FAM161B: variants seen among roughly 807,000 people sequenced by gnomAD.
FAM161B encodes FAM161 centrosomal protein B, also known as protein FAM161B.
A neutral mutation model predicts 61.5 loss-of-function variants in FAM161B; 46 were observed. That is an observed-to-expected ratio of 0.75 (90% CI 0.59 to 0.96). FAM161B has a LOEUF of 0.96. FAM161B is among the 40% of genes least tolerant of loss of function. The probability of loss-of-function intolerance (pLI) is 0.00; values close to 1 mark genes in which losing one functional copy is unlikely to be tolerated. For missense variants in FAM161B, 774 were observed against 800.7 expected (o/e 0.97, Z 0.40); for synonymous variants, 284 against 302.7 (o/e 0.94, Z 0.64).
chr14:73,938,629 G>A (rs1036893850), intron 5 of FAM161B, among the ~76,000 whole-genome samples: 6 of 151,668 alleles, frequency 4.0e-5, no homozygotes, highest in Non-Finnish European at 7.4e-5. Flanking sequence ...AAAATTAGCC[G>A]GGTGCGGTGG....
intron 4 of FAM161B, 82 bp downstream of exon 4, chr14:73,942,287 G>A: frequency 1.4e-6 from 2 of 1,386,624 alleles, no homozygotes; most frequent in East Asian, 2.3e-5. Context: ...ACCTTGTTGA[G>A]AAGTGCTTTC....
chr14:73,936,198 G>T, intron 7 of FAM161B, 110 bp from the exon 8 acceptor site: 3 of 1,241,858 alleles, frequency 2.4e-6, no homozygotes, highest in Non-Finnish European at 2.2e-6. Flanking sequence ...CACCCTTATT[G>T]TGGGGCATAG....
intron 1 of FAM161B, 108 bp from the exon 2 acceptor site, chr14:73,946,713 G>A: frequency 8.4e-7 from 1 of 1,190,646 alleles, no homozygotes; most frequent in Non-Finnish European, 1.2e-6. Context: ...GGACTGGGGA[G>A]AATTTGGGGT....
At chr14:73,948,227 C>T (rs963818293) in intron 1 of FAM161B, among the ~76,000 whole-genome samples, 2 of 152,094 alleles carry the variant, frequency 1.3e-5, no homozygotes, top group Non-Finnish European at 2.9e-5. Context: ...CCCCGCCCAA[C>T]GGCAATACTT....
downstream of FAM161B, among the ~76,000 whole-genome samples, chr14:73,930,567 T>C (rs1343061959): frequency 1.3e-5 from 2 of 152,186 alleles, no homozygotes; most frequent in African/African-American, 4.8e-5. Context: ...TAATAAGTTG[T>C]TTTTGTTCTG....
At chr14:73,936,110 G>A (rs2055969569) in intron 7 of FAM161B, 22 bp from the exon 8 acceptor site, 3 of 1,580,844 alleles carry the variant, frequency 1.9e-6, no homozygotes, top group Non-Finnish European at 2.6e-6. Flanking sequence ...AAATTAATCT[G>A]TTGTAGCTGT....
rs148255366 is a variant in FAM161B, at chr14:73,938,720, C to T, written c.1401-608G>A. Among the ~76,000 whole-genome samples the T allele has an allele frequency of 2.9e-3, 436 of 151,766 alleles. 1 individual carries two copies. Among genetic ancestry groups the T allele is most frequent in the African/African-American group, 1.0e-2 (412 of 41,406 alleles). ...CTGGGAGGCGGAGCTTGCAGTGAGC[C>T]GAGATCGTGCCACTGCACTCCAGCC... On this transcript the variant is annotated intron_variant, in intron 5 of 8. Transcript: ENST00000286544.
rs2336547 is a variant in FAM161B at position 73,932,588 on chromosome 14, G to A, written c.*1668C>T. 335,746 of 400,900 alleles carry A rather than the reference G, an allele frequency of 0.84. 142,112 individuals carry two copies. Among genetic ancestry groups the A allele is most frequent in the East Asian group, 0.93 (13,186 of 14,112 alleles). 24.8% of individuals were successfully genotyped at this position (400,900 alleles called of 1,614,324 possible). On this transcript the variant is annotated 3_prime_UTR_variant, in exon 9 of 9. Coordinates refer to ENST00000286544, the MANE Select transcript of FAM161B (RefSeq NM_152445.3). ...GTTAGAGCAGGCACTCTTGCTATCA[G>A]TCATCCTGTCTCCACAGCTACTGAG...
At chr14:73,925,689 A>G in the FAM161B span, among the ~76,000 whole-genome samples, 1 of 152,060 alleles carries the variant, frequency 6.6e-6, no homozygotes, top group East Asian at 1.9e-4. Flanking sequence ...CAGCCTCCCA[A>G]AGTGCTGGGA....
At chr14:73,935,408 A>G (rs7154897) in intron 8 of FAM161B, among the ~76,000 whole-genome samples, 73,575 of 151,520 alleles carry the variant, frequency 0.49, 18,144 homozygotes, top group South Asian at 0.61. Context: ...GGAGCCTGTA[A>G]TCCCAGCTAC....
In FAM161B at chr14:73,935,998, C is replaced by A. The variant is rs950190206; in HGVS notation, c.1756G>T (p.Gly586Cys). The change falls in exon 8 of 9, where the codon GGC becomes TGC. Residue 586 changes from glycine to cysteine, a missense_variant. Physicochemically the swap from Gly to Cys is radical, Grantham distance 159 (BLOSUM62 -3). Coordinates refer to ENST00000286544, the MANE Select transcript of FAM161B (RefSeq NM_152445.3). Reference protein sequence around the residue: ...EEDFVRNKGQGTRAVQEKETK... With the variant: ...EEDFVRNKGQCTRAVQEKETK... ...TCTTTCTCTTGAACAGCCCGGGTGC[C>A]TTGACCCTTGTTTCTCACAAAGTCT... is the stretch of plus-strand genomic sequence containing the variant. The A allele has an allele frequency of 3.1e-6, 5 of 1,613,560 alleles. No homozygotes were observed. Among genetic ancestry groups the A allele is most frequent in the African/African-American group, 1.3e-5 (1 of 74,918 alleles).
chr14:73,930,685 C>T (rs2055898617), downstream of FAM161B, among the ~76,000 whole-genome samples: 1 of 152,104 alleles, frequency 6.6e-6, no homozygotes, highest in Admixed American at 6.6e-5. Flanking sequence ...TCACTGCACC[C>T]TTGAACTCCT....
rs753326803 is a variant in FAM161B at position 73,940,919 on chromosome 14, C to T, written c.1400+7G>A. On this transcript the variant is annotated splice_region_variant and intron_variant, in intron 5 of 8. Transcript: ENST00000286544. Reference sequence around the variant, plus strand: ...GAGCATGGGTCTCGTGCAGCCTGACCACTCACCTGACTGCAGATTCCCTCT... The same window carrying T: ...GAGCATGGGTCTCGTGCAGCCTGACTACTCACCTGACTGCAGATTCCCTCT... 1 of 1,607,328 alleles carries T rather than the reference C, an allele frequency of 6.2e-7. No homozygotes were observed. Among genetic ancestry groups the T allele is most frequent in the African/African-American group, 1.3e-5 (1 of 74,674 alleles).
rs771826486 is a variant in FAM161B at position 73,942,582 on chromosome 14, T to G, written c.1059A>C (p.Glu353Asp). 6.8e-6 allele frequency: 11 copies of G among 1,614,070 alleles called. No individual in the cohort carries two copies. The East Asian group carries it at 2.2e-4, about 33-fold the overall frequency. ...QPRTATRTQQ[E>D]KLGFLHTNFR... The stretch of plus-strand genomic sequence containing the variant: ...AGTTAGTGTGCAGAAACCCAAGCTT[T>G]TCCTGCTGGGTTCGGGTGGCTGTGC... The change falls in exon 4 of 9, where the codon GAA becomes GAC. Residue 353 changes from glutamate (E) to aspartate (D), a missense_variant. Glu to Asp is a conservative substitution (Grantham distance 45). Transcript: ENST00000286544.
In FAM161B at chr14:73,934,215, T is replaced by G. The variant is rs1367920776; in HGVS notation, c.*41A>C. On this transcript the variant is annotated 3_prime_UTR_variant, in exon 9 of 9. Transcript: ENST00000286544. Reference sequence around the variant, plus strand: ...TGCCTTGACTCAAACCCAAGTTAGCTGCTTAATATTTTTCAAAAGCAGTAA... The same window carrying G: ...TGCCTTGACTCAAACCCAAGTTAGCGGCTTAATATTTTTCAAAAGCAGTAA... 6.3e-7 allele frequency: 1 copy of G among 1,595,740 alleles called. No individual in the cohort carries two copies. Among genetic ancestry groups the G allele is most frequent in the African/African-American group, 1.4e-5 (1 of 73,826 alleles).
At chr14:73,922,829 G>A in the FAM161B span, 4 of 152,206 alleles carry the variant, frequency 2.6e-5, no homozygotes, top group Non-Finnish European at 5.9e-5. Flanking sequence ...AGAACATTGA[G>A]TACATAAAAG....
intron 3 of FAM161B, among the ~76,000 whole-genome samples, chr14:73,943,604 C>A (rs775799595): frequency 6.6e-6 from 1 of 152,206 alleles, no homozygotes; most frequent in Non-Finnish European, 1.5e-5. Flanking sequence ...ACTTCTCCTC[C>A]CTCTTCGCCC....
chr14:73,938,685 T>C (rs1264436493), intron 5 of FAM161B, among the ~76,000 whole-genome samples: 1 of 151,576 alleles, frequency 6.6e-6, no homozygotes. Flanking sequence ...GGCAGGAGAA[T>C]GGCATGAACC....
At chr14:73,924,314 C>T in the FAM161B span, among the ~76,000 whole-genome samples, 6 of 152,182 alleles carry the variant, frequency 3.9e-5, no homozygotes, top group Non-Finnish European at 7.3e-5. Context: ...AGAGGTGGAG[C>T]TCAGGTGGTA....
Sources: gnomAD v4.1 joint callset for allele counts (sites outside exome capture counted in the v4.1 genomes callset) on GRCh38, gnomAD v4.1.1 for gene constraint, MANE v1.5 for transcripts, NCBI Gene and HGNC (gene_info 2026-07-23, HGNC 2026-07-21) for gene names.